The following TRHDE variants were observed in gnomAD, a reference collection of about 807,000 sequenced individuals.
TRHDE encodes thyrotropin releasing hormone degrading enzyme.
In TRHDE, 72 loss-of-function variants were observed where a neutral mutation model predicts 125.7. That is an observed-to-expected ratio of 0.57 (90% CI 0.47 to 0.70). The LOEUF (loss-of-function observed/expected upper bound fraction) is 0.70, where lower values mean the gene tolerates loss of function less well. Among genes scored for constraint, TRHDE ranks in the 30% least tolerant of loss-of-function variants. TRHDE has a pLI of 0.00. For synonymous variants in TRHDE, 509 were observed against 509.1 expected (o/e 1.00, Z 0.00); for missense variants, 1,110 against 1,327.1 (o/e 0.84, Z 2.54).
At chr12:72,412,028 A>C (rs1873532583) in intron 3 of TRHDE, among the ~76,000 whole-genome samples, 1 of 152,190 alleles carries the variant, frequency 6.6e-6, no homozygotes. Flanking sequence ...AAGGTCTAGA[A>C]GATAATATAA....
intron 3 of TRHDE, among the ~76,000 whole-genome samples, chr12:72,413,234 G>T (rs548350157): frequency 3.5e-4 from 53 of 151,910 alleles, no homozygotes; most frequent in African/African-American, 1.1e-3. Context: ...ATTCTTTTCA[G>T]TCTGTGTTTA....
intron 2 of TRHDE, among the ~76,000 whole-genome samples, chr12:72,203,325 G>A (rs771374153): frequency 6.6e-5 from 10 of 152,094 alleles, no homozygotes; most frequent in Non-Finnish European, 1.2e-4. Context: ...AAAATTAGCC[G>A]CGCGTGGTGG....
At chr12:72,177,081 T>A (rs1199030296) in intron 2 of TRHDE, among the ~76,000 whole-genome samples, 1 of 152,130 alleles carries the variant, frequency 6.6e-6, no homozygotes, top group African/African-American at 2.4e-5. Flanking sequence ...AGGTCTTTAT[T>A]TCTAGGTCTT....
At chr12:72,448,304 A>T (rs1159431981) in intron 3 of TRHDE, among the ~76,000 whole-genome samples, 1 of 152,056 alleles carries the variant, frequency 6.6e-6, no homozygotes, top group Admixed American at 6.6e-5. Context: ...CTTGCGTAAG[A>T]GGTGGCTTTT....
At chr12:72,520,339 C>T (rs1007556916) in intron 6 of TRHDE, among the ~76,000 whole-genome samples, 23 of 152,202 alleles carry the variant, frequency 1.5e-4, no homozygotes, top group Admixed American at 6.5e-5. Context: ...GATATAATCT[C>T]GTGGTGCGCC....
intron 2 of TRHDE, among the ~76,000 whole-genome samples, chr12:72,196,928 T>C (rs1877457599): frequency 6.6e-6 from 1 of 152,094 alleles, no homozygotes; most frequent in South Asian, 2.1e-4. Context: ...TATCCTAATT[T>C]CCTCCAATTC....
At chr12:72,527,699 A>G (rs1332247372) in intron 6 of TRHDE, among the ~76,000 whole-genome samples, 1 of 151,972 alleles carries the variant, frequency 6.6e-6, no homozygotes, top group Non-Finnish European at 1.5e-5. Flanking sequence ...ATTTTTTCTT[A>G]TTTTAATATG....
intron 3 of TRHDE, among the ~76,000 whole-genome samples, chr12:72,396,745 A>T (rs1222044419): frequency 1.6e-5 from 2 of 123,756 alleles, no homozygotes; most frequent in African/African-American, 5.7e-5. Context: ...TCCATCTCAA[A>T]ACAAACAAAC....
At chr12:72,647,987 T>A (rs762362452) in intron 15 of TRHDE, among the ~76,000 whole-genome samples, 13 of 152,076 alleles carry the variant, frequency 8.5e-5, no homozygotes, top group Non-Finnish European at 1.9e-4. Context: ...AATACCCCTA[T>A]GCAGAAATCC....
intron 2 of TRHDE, among the ~76,000 whole-genome samples, chr12:72,373,456 C>T (rs1186489011): frequency 6.6e-6 from 1 of 152,142 alleles, no homozygotes; most frequent in Non-Finnish European, 1.5e-5. Flanking sequence ...AGAGGGCATC[C>T]CTGTCTTGAA....
chr12:72,559,233 A>G (rs1368247996), intron 7 of TRHDE, among the ~76,000 whole-genome samples: 1 of 152,212 alleles, frequency 6.6e-6, no homozygotes, highest in Non-Finnish European at 1.5e-5. Context: ...AATATTTATG[A>G]TGTGCTAGGC....
intron 3 of TRHDE, among the ~76,000 whole-genome samples, chr12:72,445,536 T>C (rs1454531799): frequency 6.6e-6 from 1 of 151,950 alleles, no homozygotes; most frequent in African/African-American, 2.4e-5. Context: ...CATTTATTTT[T>C]GTTGCTTTGC....
intron 10 of TRHDE, among the ~76,000 whole-genome samples, chr12:72,573,854 G>A (rs1870862497): frequency 6.6e-6 from 1 of 151,896 alleles, no homozygotes; most frequent in South Asian, 2.1e-4. Context: ...CCTTTCTTGG[G>A]TAATTCAATT....
At chr12:72,125,525 T>C (rs1440664271) in intron 2 of TRHDE, among the ~76,000 whole-genome samples, 1 of 152,212 alleles carries the variant, frequency 6.6e-6, no homozygotes, top group African/African-American at 2.4e-5. Context: ...CCATCTTTAA[T>C]ACTCCTTTAT....
chr12:72,237,626 TTCCACTGTG>T (rs1251481867), intron 2 of TRHDE, among the ~76,000 whole-genome samples: 2 of 152,184 alleles, frequency 1.3e-5, no homozygotes, highest in Non-Finnish European at 2.9e-5. Flanking sequence ...AAATGACAGT[TTCCACTGTG>T]TGCACTCTCT....
intron 2 of TRHDE, among the ~76,000 whole-genome samples, chr12:72,324,228 A>G (rs1869235879): frequency 6.6e-6 from 1 of 152,148 alleles, no homozygotes; most frequent in African/African-American, 2.4e-5. Flanking sequence ...TAAAACTGAC[A>G]GGAATCTTAG....
chr12:72,251,269 TTGCCCTTATAAAAC>T lies in TRHDE; in HGVS notation n.280-126722_280-126709del, dbSNP rs1203483647. Among the ~76,000 whole-genome samples, 4 of 152,120 alleles carry T rather than the reference TTGCCCTTATAAAAC, an allele frequency of 2.6e-5. No individual in the cohort carries two copies. In the South Asian group the frequency reaches 8.3e-4, roughly 32 times the overall value. On this transcript the variant is annotated intron_variant and non_coding_transcript_variant, in intron 2 of 4. Coordinates refer to the TRHDE transcript ENST00000548156. Reference sequence around the variant, plus strand: ...CCCATCACCATAAGGGTCCCTTATGTTGCCCTTATAAAACTGCACTCTTCCGGCCCTCTCACCCT... The same window carrying T: ...CCCATCACCATAAGGGTCCCTTATGTTGCACTCTTCCGGCCCTCTCACCCT...
At chr12:72,473,044 G>A in intron 4 of TRHDE, 23 bp from the exon 5 acceptor site, 1 of 1,537,632 alleles carries the variant, frequency 6.5e-7, no homozygotes, top group Non-Finnish European at 9.0e-7. Flanking sequence ...TTTATTTGAT[G>A]ACCATTAATT....
intron 5 of TRHDE, among the ~76,000 whole-genome samples, chr12:72,481,336 A>C (rs1488943667): frequency 6.6e-6 from 1 of 151,036 alleles, no homozygotes; most frequent in Non-Finnish European, 1.5e-5. Flanking sequence ...AAAAAAAAAA[A>C]CCAGAAAAAT....
Sources: allele counts gnomAD v4.1 joint callset (sites outside exome capture counted in the v4.1 genomes callset), GRCh38; gene constraint gnomAD v4.1.1; transcripts MANE v1.5; gene names NCBI Gene and HGNC (gene_info 2026-07-23, HGNC 2026-07-21).